EFCAB5: variants seen among roughly 807,000 people sequenced by gnomAD.
EFCAB5 encodes EF-hand calcium-binding domain-containing protein 5.
EFCAB5 carries 131 observed loss-of-function variants against 167.9 expected under a neutral mutation model. The observed-to-expected ratio is 0.78, with a 90% confidence interval of 0.68 to 0.90. EFCAB5 has a LOEUF of 0.90. EFCAB5 is among the 40% of genes least tolerant of loss of function. The pLI is 0.00. For synonymous variants in EFCAB5, 574 were observed against 602.8 expected, an observed-to-expected ratio of 0.95 and a Z score of 0.70; for missense variants, 1,663 against 1,745.2, an observed-to-expected ratio of 0.95 and a Z score of 0.84.
At chr17:30,073,204 C>A in intron 14 of EFCAB5, 1 of 688,654 alleles carries the variant, frequency 1.5e-6, no homozygotes, top group Non-Finnish European at 2.6e-6. Context: ...TACAGGTGTG[C>A]ATCATCAGGC....
At chr17:30,042,228 C>T (rs576082921) in intron 8 of EFCAB5, among the ~76,000 whole-genome samples, 13 of 152,150 alleles carry the variant, frequency 8.5e-5, no homozygotes, top group Admixed American at 5.9e-4. Flanking sequence ...AGGCTGGTCT[C>T]GAACTCCTGA....
At chr17:30,011,280 C>T (rs967998957) in intron 7 of EFCAB5, among the ~76,000 whole-genome samples, 31 of 152,108 alleles carry the variant, frequency 2.0e-4, no homozygotes, top group Non-Finnish European at 3.1e-4. Flanking sequence ...ATTGTCTTGG[C>T]GATGCAGGCT....
chr17:30,065,043 C>T (rs1354979659), intron 14 of EFCAB5, among the ~76,000 whole-genome samples: 3 of 152,300 alleles, frequency 2.0e-5, no homozygotes, highest in East Asian at 1.9e-4. Flanking sequence ...CACCACTAAA[C>T]CGGCCTTACA....
intron 4 of EFCAB5, among the ~76,000 whole-genome samples, chr17:29,974,494 G>T (rs1326784436): frequency 6.6e-6 from 1 of 151,278 alleles, no homozygotes; most frequent in African/African-American, 2.4e-5. Flanking sequence ...AGTGAGCTGG[G>T]TCATGCCACT....
At chr17:30,102,532 G>C (rs996204668) in intron 22 of EFCAB5, among the ~76,000 whole-genome samples, 1 of 151,886 alleles carries the variant, frequency 6.6e-6, no homozygotes, top group African/African-American at 2.4e-5. Context: ...CACCATACCC[G>C]GCCCTTATGT....
At chr17:30,092,691 GGGT>G (rs2071225422) in intron 21 of EFCAB5, 146 bp from the exon 22 acceptor site, 1 of 511,192 alleles carries the variant, frequency 2.0e-6, no homozygotes, top group Non-Finnish European at 3.4e-6. Flanking sequence ...ACCCGGCCAT[GGGT>G]AACCATCATC....
chr17:29,946,138 A>G (rs1378689196), intron 3 of EFCAB5, among the ~76,000 whole-genome samples: 1 of 152,186 alleles, frequency 6.6e-6, no homozygotes, highest in East Asian at 1.9e-4. Flanking sequence ...GCAAGAAGAA[A>G]AAAATAATTA....
intron 7 of EFCAB5, among the ~76,000 whole-genome samples, chr17:30,018,144 G>T (rs1377520494): frequency 6.6e-6 from 1 of 150,556 alleles, no homozygotes; most frequent in African/African-American, 2.4e-5. Context: ...CATAAACATT[G>T]CTTAATTGTT....
chr17:29,996,250 A>G, intron 5 of EFCAB5, 62 bp from the exon 6 acceptor site: 2 of 1,365,990 alleles, frequency 1.5e-6, no homozygotes, highest in Non-Finnish European at 2.0e-6. Context: ...TAAAATAACA[A>G]ATATGTGGTA....
At chr17:30,095,611 T>G (rs1175103249) in intron 22 of EFCAB5, among the ~76,000 whole-genome samples, 2 of 152,194 alleles carry the variant, frequency 1.3e-5, no homozygotes, top group African/African-American at 2.4e-5. Context: ...ACTCATTCCT[T>G]AACTCCCCAC....
chr17:30,054,062 G>C lies in EFCAB5; in HGVS notation c.2108G>C (p.Trp703Ser). The C allele has an allele frequency of 6.3e-7, 1 of 1,597,850 alleles. No homozygotes were observed. Among genetic ancestry groups the C allele is most frequent in the Non-Finnish European group, 8.5e-7 (1 of 1,171,312 alleles). The change falls in exon 10 of 23, where the codon TGG becomes TCG. Residue 703 changes from tryptophan to serine, a missense_variant. Physicochemically the swap from Trp to Ser is radical, Grantham distance 177 (BLOSUM62 -3). Transcript: ENST00000394835. ...IEVPLQEKRS[W>S]EQTYEEEIFL... is the part of the protein sequence containing the mutation. ...GTCCCTCTACAGGAAAAGAGGTCTT[G>C]GGAACAAACATATGAAGAGGAAATA...
intron 2 of EFCAB5, among the ~76,000 whole-genome samples, chr17:29,943,053 T>TAC (rs1199572333): frequency 1.3e-5 from 2 of 151,312 alleles, no homozygotes; most frequent in Non-Finnish European, 2.9e-5. Context: ...TATATATATA[T>TAC]ATATATATAT....
chr17:30,068,370 T>C (rs1410591338), intron 14 of EFCAB5, among the ~76,000 whole-genome samples: 1 of 151,510 alleles, frequency 6.6e-6, no homozygotes, highest in African/African-American at 2.4e-5. Flanking sequence ...AAAAGAAATT[T>C]AAAAAGTAAC....
At chr17:29,945,033 T>C (rs1032527793) in intron 3 of EFCAB5, among the ~76,000 whole-genome samples, 15 of 152,200 alleles carry the variant, frequency 9.9e-5, no homozygotes, top group Non-Finnish European at 4.4e-5. Context: ...ATTATGCAGA[T>C]TGAAAATTTA....
chr17:29,990,123 C>T (rs2068380728), intron 4 of EFCAB5, among the ~76,000 whole-genome samples: 1 of 152,098 alleles, frequency 6.6e-6, no homozygotes, highest in Non-Finnish European at 1.5e-5. Context: ...GTCCATTGGG[C>T]CCTTCGCAAT....
chr17:29,958,702 G>A (rs1475929948), intron 3 of EFCAB5, among the ~76,000 whole-genome samples: 1 of 152,114 alleles, frequency 6.6e-6, no homozygotes, highest in African/African-American at 2.4e-5. Flanking sequence ...TGATGTCTGG[G>A]CATTGAAGAG....
chr17:29,975,818 A>G (rs2068054276), intron 4 of EFCAB5, among the ~76,000 whole-genome samples: 1 of 152,224 alleles, frequency 6.6e-6, no homozygotes. Flanking sequence ...TTAAAAGTGC[A>G]GATTCCTAGA....
chr17:30,035,662 G>A (rs2069595942), intron 8 of EFCAB5, among the ~76,000 whole-genome samples: 1 of 152,150 alleles, frequency 6.6e-6, no homozygotes, highest in South Asian at 2.1e-4. Flanking sequence ...TATGTGGGGA[G>A]TCTTATAAGA....
intron 22 of EFCAB5, among the ~76,000 whole-genome samples, chr17:30,096,123 C>A (rs1318046514): frequency 6.6e-6 from 1 of 152,196 alleles, no homozygotes; most frequent in Non-Finnish European, 1.5e-5. Flanking sequence ...GGGTATAACA[C>A]TCTGTTCTGG....
Sources: gnomAD v4.1 joint callset for allele counts (sites outside exome capture counted in the v4.1 genomes callset) on GRCh38, gnomAD v4.1.1 for gene constraint, MANE v1.5 for transcripts, NCBI Gene and HGNC (gene_info 2026-07-23, HGNC 2026-07-21) for gene names.